Variants in PXDNL observed in about 807,000 individuals in gnomAD.
The protein encoded by PXDNL is peroxidasin like.
Under a neutral mutation model 150.8 loss-of-function variants are expected in PXDNL, and 145 were observed. That is an observed-to-expected ratio of 0.96 (90% confidence interval 0.84 to 1.10). The LOEUF (loss-of-function observed/expected upper bound fraction) is 1.10, where lower values mean the gene tolerates loss of function less well. PXDNL is among the 50% of genes least tolerant of loss of function. PXDNL has a pLI of 0.00. For synonymous variants in PXDNL, 757 were observed against 725.7 expected (o/e 1.04, Z -0.69); for missense variants, 2,087 against 1,873.9 (o/e 1.11, Z -2.10).
intron 1 of PXDNL, among the ~76,000 whole-genome samples, chr8:51,696,725 CCA>C (rs111520724): frequency 8.0e-6 from 1 of 125,174 alleles, no homozygotes; most frequent in East Asian, 2.4e-4. Flanking sequence ...TCACACACAT[CCA>C]CACACAGGTC....
intron 3 of PXDNL, among the ~76,000 whole-genome samples, chr8:51,557,962 T>C (rs1205962627): frequency 6.6e-6 from 1 of 152,190 alleles, no homozygotes; most frequent in Non-Finnish European, 1.5e-5. Flanking sequence ...TAACTAGATA[T>C]TGTTTTTCCT....
chr8:51,677,436 A>T (rs144076684), intron 1 of PXDNL, among the ~76,000 whole-genome samples: 20 of 152,326 alleles, frequency 1.3e-4, no homozygotes, highest in African/African-American at 4.8e-4. Flanking sequence ...AACCTAGTTA[A>T]AACCTAAAGA....
chr8:51,581,724 T>G (rs1038642509), intron 3 of PXDNL, among the ~76,000 whole-genome samples: 1 of 152,108 alleles, frequency 6.6e-6, no homozygotes, highest in African/African-American at 2.4e-5. Context: ...AGAGCAATTC[T>G]GGTCTCATAA....
chr8:51,683,742 G>A (rs1226234023), intron 1 of PXDNL, among the ~76,000 whole-genome samples: 1 of 152,100 alleles, frequency 6.6e-6, no homozygotes, highest in African/African-American at 2.4e-5. Flanking sequence ...CATGCTTTCA[G>A]GCTGTCCTGA....
chr8:51,441,314 A>G (rs1809543601), intron 12 of PXDNL, among the ~76,000 whole-genome samples: 2 of 152,188 alleles, frequency 1.3e-5, no homozygotes, highest in Admixed American at 1.3e-4. Context: ...GTATTTCTTC[A>G]TGGTAGCAGG....
intron 1 of PXDNL, among the ~76,000 whole-genome samples, chr8:51,695,281 A>T (rs141709222): frequency 3.9e-5 from 6 of 152,220 alleles, no homozygotes; most frequent in Admixed American, 3.9e-4. Context: ...ATTTCCTATC[A>T]GTAGTCATGC....
chr8:51,358,529 T>G (rs16916077), intron 19 of PXDNL, among the ~76,000 whole-genome samples: 5,707 of 152,268 alleles, frequency 0.037, 127 homozygotes, highest in East Asian at 0.073. Flanking sequence ...AATATGCTGA[T>G]TAATGCTGTC....
intron 21 of PXDNL, among the ~76,000 whole-genome samples, chr8:51,326,358 C>T (rs555745987): frequency 3.9e-5 from 6 of 152,176 alleles, no homozygotes; most frequent in South Asian, 2.1e-4. Context: ...ATTAGCCAAG[C>T]GTGGTGGCAG....
intron 1 of PXDNL, among the ~76,000 whole-genome samples, chr8:51,708,837 G>A (rs1816438177): frequency 1.0e-5 from 1 of 96,640 alleles, no homozygotes; most frequent in Non-Finnish European, 2.5e-5. Context: ...TGAAGTTTCA[G>A]GTAGGCACTG....
At chr8:51,756,300 G>C (rs1354002370) in intron 1 of PXDNL, among the ~76,000 whole-genome samples, 1 of 151,654 alleles carries the variant, frequency 6.6e-6, no homozygotes, top group African/African-American at 2.4e-5. Context: ...GCTGAGGTGG[G>C]AGAATGGCTT....
Position 51,701,058 on chromosome 8 carries a change from A to G in PXDNL, c.165-46298T>C, listed in dbSNP as rs145380661. Among the ~76,000 whole-genome samples, 428 of 152,046 alleles carry G rather than the reference A, an allele frequency of 2.8e-3. 1 individual carries two copies. Among genetic ancestry groups the G allele is most frequent in the Non-Finnish European group, 5.1e-3 (348 of 67,890 alleles). ...ACACACAGAGAGAAATTCTAATACA[A>G]TACTATCCAGGTTTCTTATAGAAAG... On this transcript the variant is annotated intron_variant, in intron 1 of 22. Coordinates refer to ENST00000356297, the MANE Select transcript of PXDNL (RefSeq NM_144651.5).
At chr8:51,558,468 G>C (rs1037027089) in intron 3 of PXDNL, among the ~76,000 whole-genome samples, 28 of 152,048 alleles carry the variant, frequency 1.8e-4, no homozygotes, top group Middle Eastern at 3.2e-3. Context: ...AGGGTGTCAT[G>C]TCTTGAGCAT....
At chr8:51,387,635 G>A (rs1343200595) in intron 17 of PXDNL, among the ~76,000 whole-genome samples, 1 of 152,118 alleles carries the variant, frequency 6.6e-6, no homozygotes, top group African/African-American at 2.4e-5. Context: ...GTGGAATAAA[G>A]TAGATATAAT....
rs1811398720 is a variant in PXDNL, at chr8:51,510,804, T to A, written c.381-11034A>T. Among the ~76,000 whole-genome samples the A allele has an allele frequency of 4.6e-5, 7 of 152,148 alleles. No homozygotes were observed. The South Asian group carries it at 1.5e-3, about 32-fold the overall frequency. ...TGAGGTCAGGAGTTTGTGACCAGCT[T>A]AGCCAACACAGGAAAAAACATTATT... is the stretch of plus-strand genomic sequence containing the variant. On this transcript the variant is annotated intron_variant, in intron 4 of 22. Coordinates refer to ENST00000356297, the MANE Select transcript of PXDNL (RefSeq NM_144651.5).
At chr8:51,500,741 G>C (rs1014559882) in intron 4 of PXDNL, among the ~76,000 whole-genome samples, 2 of 152,176 alleles carry the variant, frequency 1.3e-5, no homozygotes, top group East Asian at 1.9e-4. Flanking sequence ...AGAGGATATT[G>C]TACATTTATG....
intron 1 of PXDNL, among the ~76,000 whole-genome samples, chr8:51,802,829 C>A (rs1211131416): frequency 6.6e-6 from 1 of 152,114 alleles, no homozygotes; most frequent in Non-Finnish European, 1.5e-5. Context: ...TACAGGCTAA[C>A]AAAGAACACA....
chr8:51,724,260 T>G (rs921098387), intron 1 of PXDNL, among the ~76,000 whole-genome samples: 2 of 151,896 alleles, frequency 1.3e-5, no homozygotes, highest in Non-Finnish European at 2.9e-5. Context: ...AAAGGGAGCG[T>G]ATGTAGAGAA....
chr8:51,627,773 G>A (rs1266906958), intron 2 of PXDNL, among the ~76,000 whole-genome samples: 1 of 152,154 alleles, frequency 6.6e-6, no homozygotes, highest in Non-Finnish European at 1.5e-5. Context: ...GGGTTCAAAG[G>A]TAGTCTTGAA....
chr8:51,376,594 C>T (rs944645545), intron 17 of PXDNL, among the ~76,000 whole-genome samples: 3 of 152,022 alleles, frequency 2.0e-5, no homozygotes, highest in Admixed American at 1.3e-4. Context: ...ATGCATTTCA[C>T]GAAACGAATT....
Sources: gnomAD v4.1 joint callset for allele counts (sites outside exome capture counted in the v4.1 genomes callset) on GRCh38, gnomAD v4.1.1 for gene constraint, MANE v1.5 for transcripts, NCBI Gene and HGNC (gene_info 2026-07-23, HGNC 2026-07-21) for gene names.